The following PCDH9 variants were observed in gnomAD, a reference collection of about 807,000 sequenced individuals.
PCDH9 encodes the protein protocadherin-9.
In PCDH9, 24 loss-of-function variants were observed where a neutral mutation model predicts 70.6. The observed-to-expected ratio is 0.34, with a 90% CI of 0.25 to 0.48. The LOEUF (loss-of-function observed/expected upper bound fraction) is 0.48, where lower values mean the gene tolerates loss of function less well. Ranked by LOEUF, PCDH9 falls within the 20% of genes least tolerant of loss-of-function variation. The probability of loss-of-function intolerance (pLI) is 0.99; values close to 1 mark genes in which losing one functional copy is unlikely to be tolerated. For missense variants in PCDH9, 1,281 were observed against 1,503.6 expected (o/e 0.85, Z 2.45); for synonymous variants, 562 against 558.5 (o/e 1.01, Z -0.09).
intron 3 of PCDH9, among the ~76,000 whole-genome samples, chr13:66,860,029 A>C (rs9564355): frequency 0.37 from 55,694 of 151,954 alleles, 10,531 homozygotes; most frequent in East Asian, 0.49. Context: ...GGTTATAAAG[A>C]AGTATATAGG....
At chr13:66,317,023 C>A (rs1047318583) in intron 4 of PCDH9, among the ~76,000 whole-genome samples, 2 of 152,064 alleles carry the variant, frequency 1.3e-5, no homozygotes, top group African/African-American at 4.8e-5. Context: ...GTGCCCGGCC[C>A]GCTAGCTTTG....
chr13:66,503,805 T>C (rs1959189635), intron 4 of PCDH9, among the ~76,000 whole-genome samples: 1 of 152,220 alleles, frequency 6.6e-6, no homozygotes, highest in Admixed American at 6.5e-5. Context: ...TTCACTCAGA[T>C]TGCAAACATT....
At chr13:66,712,999 T>C (rs575347175) in intron 3 of PCDH9, among the ~76,000 whole-genome samples, 2 of 152,238 alleles carry the variant, frequency 1.3e-5, no homozygotes, top group Non-Finnish European at 2.9e-5. Context: ...ATAAATCTTC[T>C]AATGTCTTTG....
intron 2 of PCDH9, among the ~76,000 whole-genome samples, chr13:66,950,131 AAAG>A (rs1337747676): frequency 1.3e-5 from 2 of 152,138 alleles, no homozygotes; most frequent in Non-Finnish European, 2.9e-5. Context: ...TAGTAATAAC[AAAG>A]AATAACTGTA....
At chr13:66,391,937 G>T (rs1957026433) in intron 4 of PCDH9, among the ~76,000 whole-genome samples, 2 of 146,634 alleles carry the variant, frequency 1.4e-5, no homozygotes, top group African/African-American at 5.0e-5. Flanking sequence ...ATCACACATA[G>T]AAACATATAT....
intron 3 of PCDH9, among the ~76,000 whole-genome samples, chr13:66,900,143 C>G (rs1251358658): frequency 6.6e-6 from 1 of 151,828 alleles, no homozygotes; most frequent in Admixed American, 6.6e-5. Flanking sequence ...TTTGCTGTTA[C>G]TTAGATAATA....
At chr13:67,212,194 C>T (rs1420252457) in intron 2 of PCDH9, 1 of 151,804 alleles carries the variant, frequency 6.6e-6, no homozygotes, top group Non-Finnish European at 1.5e-5. Flanking sequence ...TAAATTTAAA[C>T]CTGGCATTCT....
chr13:66,939,770 A>T (rs1282824146), intron 2 of PCDH9, among the ~76,000 whole-genome samples: 1 of 152,100 alleles, frequency 6.6e-6, no homozygotes, highest in Non-Finnish European at 1.5e-5. Context: ...CAAGTTAAAA[A>T]TTATGAATGA....
intron 4 of PCDH9, among the ~76,000 whole-genome samples, chr13:66,456,986 A>C (rs2138442464): frequency 6.6e-6 from 1 of 152,242 alleles, no homozygotes; most frequent in East Asian, 1.9e-4. Context: ...GAAAGTGCCC[A>C]AAAGTAATTA....
intron 2 of PCDH9, among the ~76,000 whole-genome samples, chr13:67,148,191 A>G (rs1594576991): frequency 7.1e-6 from 1 of 141,448 alleles, no homozygotes; most frequent in Non-Finnish European, 1.5e-5. Flanking sequence ...TGTTAAGGCT[A>G]CCTCCATGTC....
Position 66,837,760 on chromosome 13 carries a change from C to T in PCDH9, c.3138+65744G>A, listed in dbSNP as rs925070754. On this transcript the variant is annotated intron_variant, in intron 3 of 4. Transcript: ENST00000377865. Reference sequence around the variant, plus strand: ...CTCGTTAAAAAACGACCTTTCCAGTCATCTTTGTGTAACTATGAGGTATTG... The same window carrying T: ...CTCGTTAAAAAACGACCTTTCCAGTTATCTTTGTGTAACTATGAGGTATTG... Among the ~76,000 whole-genome samples, 3 of 152,204 alleles carry T rather than the reference C, an allele frequency of 2.0e-5. No individual in the cohort carries two copies. The East Asian group carries it at 5.8e-4, about 29-fold the overall frequency.
chr13:66,934,409 C>A (rs1287947813), intron 2 of PCDH9, among the ~76,000 whole-genome samples: 2 of 151,412 alleles, frequency 1.3e-5, no homozygotes, highest in Non-Finnish European at 2.9e-5. Flanking sequence ...GGTGTGGTGG[C>A]GAGTGCCTGC....
intron 4 of PCDH9, among the ~76,000 whole-genome samples, chr13:66,434,904 TAG>T (rs1957841404): frequency 6.6e-6 from 1 of 152,094 alleles, no homozygotes; most frequent in Non-Finnish European, 1.5e-5. Flanking sequence ...AATGCTATTA[TAG>T]AGTGTGGAAA....
At chr13:66,622,960 G>C (rs1232632839) in intron 4 of PCDH9, among the ~76,000 whole-genome samples, 1 of 151,940 alleles carries the variant, frequency 6.6e-6, no homozygotes, top group Non-Finnish European at 1.5e-5. Context: ...CGGGAGGAAC[G>C]AACAACTCCA....
intron 2 of PCDH9, among the ~76,000 whole-genome samples, chr13:67,179,666 A>G (rs961947438): frequency 6.6e-6 from 1 of 152,116 alleles, no homozygotes; most frequent in African/African-American, 2.4e-5. Context: ...AGCTAGCAAT[A>G]AGAGAAGTTT....
intron 3 of PCDH9, among the ~76,000 whole-genome samples, chr13:66,862,342 T>C (rs1015687876): frequency 1.3e-5 from 2 of 152,176 alleles, no homozygotes; most frequent in African/African-American, 4.8e-5. Flanking sequence ...CATATGTCTA[T>C]AGTGTGTGGG....
At chr13:66,345,169 C>T (rs1333938544) in intron 4 of PCDH9, among the ~76,000 whole-genome samples, 1 of 152,064 alleles carries the variant, frequency 6.6e-6, no homozygotes, top group East Asian at 1.9e-4. Flanking sequence ...GGGCAGTGTT[C>T]CTTATTTTGT....
At chr13:66,423,211 C>T (rs746620077) in intron 4 of PCDH9, among the ~76,000 whole-genome samples, 2 of 152,124 alleles carry the variant, frequency 1.3e-5, no homozygotes, top group African/African-American at 2.4e-5. Flanking sequence ...GAATTCACAG[C>T]CAAATTCTAC....
intron 3 of PCDH9, among the ~76,000 whole-genome samples, chr13:66,842,578 C>CA (rs1157100371): frequency 6.6e-6 from 1 of 152,146 alleles, no homozygotes; most frequent in Non-Finnish European, 1.5e-5. Flanking sequence ...GAAATAGGGA[C>CA]ATTTCATCTC....
Sources: allele counts gnomAD v4.1 joint callset (sites outside exome capture counted in the v4.1 genomes callset), GRCh38; gene constraint gnomAD v4.1.1; transcripts MANE v1.5; gene names NCBI Gene and HGNC (gene_info 2026-07-23, HGNC 2026-07-21).